The following CDH10 variants were observed in gnomAD, a reference collection of about 807,000 sequenced individuals.
CDH10 encodes cadherin 10, also known as cadherin-10.
A neutral mutation model predicts 73.1 loss-of-function variants in CDH10; 30 were observed. The ratio of observed to expected loss-of-function variants is 0.41; its 90% CI spans 0.31 to 0.56. CDH10 has a LOEUF of 0.56. Ranked by LOEUF, CDH10 falls within the 20% of genes least tolerant of loss-of-function variation. CDH10 has a pLI of 0.27. For missense variants in CDH10, 815 were observed against 973.7 expected, an observed-to-expected ratio of 0.84 and a Z score of 2.17; for synonymous variants, 345 against 348.2, an observed-to-expected ratio of 0.99 and a Z score of 0.10.
intron 1 of CDH10, among the ~76,000 whole-genome samples, chr5:24,595,674 T>G (rs1746348605): frequency 6.6e-6 from 1 of 151,960 alleles, no homozygotes; most frequent in African/African-American, 2.4e-5. Flanking sequence ...GGGGAGAGTT[T>G]GTGTAAGTGA....
At chr5:24,570,906 G>C (rs976585031) in intron 2 of CDH10, among the ~76,000 whole-genome samples, 1 of 151,936 alleles carries the variant, frequency 6.6e-6, no homozygotes, top group African/African-American at 2.4e-5. Flanking sequence ...ACTCACTTCA[G>C]TGTGTAGTGT....
At chr5:24,517,621 T>C (rs1426170893) in intron 5 of CDH10, among the ~76,000 whole-genome samples, 5 of 152,188 alleles carry the variant, frequency 3.3e-5, no homozygotes, top group Admixed American at 6.6e-5. Flanking sequence ...TTCAATATCT[T>C]AGTGACAAAC....
In CDH10 at chr5:24,637,584, C is replaced by T. The variant is rs574644043; in HGVS notation, c.-124+7010G>A. On this transcript the variant is annotated intron_variant, in intron 1 of 11. Coordinates refer to ENST00000264463, the MANE Select transcript of CDH10 (RefSeq NM_006727.5). ...TCTCCAGGTGTGACAGAAGGGAATGCGTCACAGTAACTTCCCCCAAAATGA... is the reference window on the plus strand; with the variant it reads ...TCTCCAGGTGTGACAGAAGGGAATGTGTCACAGTAACTTCCCCCAAAATGA... Among the ~76,000 whole-genome samples the T allele has an allele frequency of 7.5e-4, 114 of 151,894 alleles. 1 individual carries two copies. Among genetic ancestry groups the T allele is most frequent in the Middle Eastern group, 3.4e-3 (1 of 294 alleles).
At chr5:24,601,575 G>A (rs1368870427) in intron 1 of CDH10, among the ~76,000 whole-genome samples, 1 of 152,000 alleles carries the variant, frequency 6.6e-6, no homozygotes, top group African/African-American at 2.4e-5. Context: ...CAAAATAAGG[G>A]TCCAAGAAAA....
intron 1 of CDH10, among the ~76,000 whole-genome samples, chr5:24,604,728 G>A (rs2112126729): frequency 6.6e-6 from 1 of 152,030 alleles, no homozygotes; most frequent in Admixed American, 6.5e-5. Flanking sequence ...ACAAAAATTA[G>A]CTGGGCGTGG....
intron 2 of CDH10, among the ~76,000 whole-genome samples, chr5:24,582,703 T>C (rs1431428541): frequency 3.3e-5 from 5 of 152,166 alleles, no homozygotes; most frequent in Non-Finnish European, 7.4e-5. Context: ...ACCATGTCAA[T>C]AGAAAGATTG....
chr5:24,491,724 C>T lies in CDH10; in HGVS notation c.1728G>A (p.Gln576=), dbSNP rs2111639761. 6.2e-7 allele frequency: 1 copy of T among 1,613,858 alleles called. No individual in the cohort carries two copies. Among genetic ancestry groups the T allele is most frequent in the Non-Finnish European group, 8.5e-7 (1 of 1,179,844 alleles). Residue 576 remains glutamine, a synonymous_variant, in exon 11 of 12, where the codon CAG becomes CAA. Transcript: ENST00000264463. ...VVISDNDYPI[Q]SSTGTLTIRV... ...GAATGGTCAGTGTGCCTGTGCTGCT[C>T]TGAATTGGGTAATCATTGTCTGATA...
chr5:24,504,517 T>TTTG (rs1742617024), intron 8 of CDH10, among the ~76,000 whole-genome samples: 1 of 33,770 alleles, frequency 3.0e-5, no homozygotes, highest in African/African-American at 7.2e-5. Flanking sequence ...TTTTTTTTTT[T>TTTG]TTTTTTTTTT....
chr5:24,586,827 T>TAAGATAGCC (rs1746021262), intron 2 of CDH10, among the ~76,000 whole-genome samples: 1 of 146,750 alleles, frequency 6.8e-6, no homozygotes, highest in Non-Finnish European at 1.5e-5. Flanking sequence ...AGTAAAACAA[T>TAAGATAGCC]AAGATAGCCC....
At chr5:24,542,853 T>A (rs1355084083) in intron 2 of CDH10, among the ~76,000 whole-genome samples, 1 of 152,240 alleles carries the variant, frequency 6.6e-6, no homozygotes, top group African/African-American at 2.4e-5. Context: ...ACTAATGCTA[T>A]TCATGAGATT....
At chr5:24,502,416 C>T (rs1742534452) in intron 8 of CDH10, among the ~76,000 whole-genome samples, 1 of 152,092 alleles carries the variant, frequency 6.6e-6, no homozygotes, top group Non-Finnish European at 1.5e-5. Flanking sequence ...GTCATTGTGT[C>T]CTGCTCAGGG....
chr5:24,551,230 C>A (rs1426849596), intron 2 of CDH10, among the ~76,000 whole-genome samples: 8 of 152,258 alleles, frequency 5.3e-5, no homozygotes, highest in Non-Finnish European at 8.8e-5. Context: ...GAATGAGACT[C>A]ACTCCCTCAC....
At chr5:24,497,335 C>G (rs1430318022) in intron 9 of CDH10, among the ~76,000 whole-genome samples, 2 of 151,800 alleles carry the variant, frequency 1.3e-5, no homozygotes, top group Non-Finnish European at 1.5e-5. Context: ...TTATATCATG[C>G]TGAGCCTGCC....
chr5:24,553,099 T>C (rs1744611427), intron 2 of CDH10, among the ~76,000 whole-genome samples: 1 of 152,180 alleles, frequency 6.6e-6, no homozygotes, highest in Non-Finnish European at 1.5e-5. Context: ...CCGAATATTA[T>C]TTTTTTGGAG....
At chr5:24,488,240 C>G (rs571389153) in intron 11 of CDH10, 87 bp from the exon 12 acceptor site, 2 of 1,113,108 alleles carry the variant, frequency 1.8e-6, no homozygotes, top group African/African-American at 1.6e-5. Context: ...GTTTAAGTTA[C>G]TCAGGCTTTC....
intron 1 of CDH10, among the ~76,000 whole-genome samples, chr5:24,641,337 T>C (rs976999385): frequency 1.3e-5 from 2 of 151,944 alleles, no homozygotes; most frequent in Admixed American, 1.3e-4. Context: ...TTCTTGTTCT[T>C]ATGCATGAAA....
chr5:24,506,786 T>C (rs964414166), intron 7 of CDH10, among the ~76,000 whole-genome samples: 8 of 152,240 alleles, frequency 5.3e-5, no homozygotes, highest in Admixed American at 5.2e-4. Flanking sequence ...TCCTTACTTC[T>C]GTAGAAATAT....
At chr5:24,534,598 T>G (rs1441225023) in intron 5 of CDH10, among the ~76,000 whole-genome samples, 1 of 152,110 alleles carries the variant, frequency 6.6e-6, no homozygotes, top group Non-Finnish European at 1.5e-5. Context: ...AGGTTGTCAC[T>G]CCACACATAA....
intron 1 of CDH10, among the ~76,000 whole-genome samples, chr5:24,641,318 T>C (rs1225794107): frequency 6.6e-6 from 1 of 151,984 alleles, no homozygotes; most frequent in Non-Finnish European, 1.5e-5. Flanking sequence ...GGTAATTGTT[T>C]GAAATTGTTT....
Sources: gnomAD v4.1 joint callset for allele counts (sites outside exome capture counted in the v4.1 genomes callset) on GRCh38, gnomAD v4.1.1 for gene constraint, MANE v1.5 for transcripts, NCBI Gene and HGNC (gene_info 2026-07-23, HGNC 2026-07-21) for gene names.